Variants in TP63 observed in about 807,000 individuals in gnomAD.
The protein encoded by TP63 is tumor protein p63.
TP63 carries 17 observed loss-of-function variants against 82.8 expected under a neutral mutation model. The ratio of observed to expected loss-of-function variants is 0.21; its 90% CI spans 0.14 to 0.31. TP63 has a LOEUF of 0.31. Among genes scored for constraint, TP63 ranks in the 10% least tolerant of loss-of-function variants. The probability of loss-of-function intolerance (pLI) is 1.00; values close to 1 mark genes in which losing one functional copy is unlikely to be tolerated. For synonymous variants in TP63, 330 were observed against 321.7 expected (o/e 1.03, Z -0.28); for missense variants, 648 against 895.3 (o/e 0.72, Z 3.52).
intron 1 of TP63, among the ~76,000 whole-genome samples, chr3:189,701,528 T>C (rs867285405): frequency 7.5e-6 from 1 of 133,390 alleles, no homozygotes. Flanking sequence ...TATACATATA[T>C]ATATATATAT....
At chr3:189,654,461 A>C (rs529394092) in intron 1 of TP63, among the ~76,000 whole-genome samples, 1 of 152,262 alleles carries the variant, frequency 6.6e-6, no homozygotes, top group South Asian at 2.1e-4. Context: ...TCATGTTACT[A>C]TTTAGGAATT....
intron 3 of TP63, among the ~76,000 whole-genome samples, chr3:189,784,090 T>G (rs981273117): frequency 6.6e-6 from 1 of 152,060 alleles, no homozygotes; most frequent in South Asian, 2.1e-4. Context: ...TAGTTGACTT[T>G]CATTTTTTAT....
chr3:189,822,090 G>T (rs1489090822), intron 4 of TP63, among the ~76,000 whole-genome samples: 1 of 152,104 alleles, frequency 6.6e-6, no homozygotes, highest in East Asian at 1.9e-4. Flanking sequence ...TCTCTAGAGC[G>T]GCTTCCTCAC....
chr3:189,877,330 C>T (rs537537587), intron 10 of TP63, among the ~76,000 whole-genome samples: 4 of 152,302 alleles, frequency 2.6e-5, no homozygotes, highest in Non-Finnish European at 5.9e-5. Context: ...GGGACATCAA[C>T]GCTTAAGACA....
intron 1 of TP63, among the ~76,000 whole-genome samples, chr3:189,719,561 T>TA (rs1157095719): frequency 6.6e-6 from 1 of 152,300 alleles, no homozygotes; most frequent in Non-Finnish European, 1.5e-5. Context: ...AGTTTTTCTG[T>TA]AAAAAAATCA....
At chr3:189,869,228 C>A (rs1000955879) in intron 8 of TP63, 96 bp from the exon 9 acceptor site, 57 of 955,236 alleles carry the variant, frequency 6.0e-5, no homozygotes, top group Non-Finnish European at 8.6e-5. Flanking sequence ...TATATTAAAT[C>A]TGATTAACAT....
intron 3 of TP63, among the ~76,000 whole-genome samples, chr3:189,754,603 G>A (rs1189407809): frequency 2.6e-5 from 4 of 152,092 alleles, no homozygotes; most frequent in Non-Finnish European, 4.4e-5. Context: ...CCTGGATCAA[G>A]AAGGTTGAAA....
chr3:189,598,731 G>A, the TP63 span, among the ~76,000 whole-genome samples: 2 of 152,238 alleles, frequency 1.3e-5, no homozygotes, highest in African/African-American at 4.8e-5. Flanking sequence ...CAGAGTGTTG[G>A]CGCAGCCTGG....
chr3:189,751,690 G>T (rs1399236540), intron 3 of TP63, among the ~76,000 whole-genome samples: 2 of 152,072 alleles, frequency 1.3e-5, no homozygotes, highest in Non-Finnish European at 2.9e-5. Context: ...TTGTAAATTT[G>T]TTTGAGTTCT....
chr3:189,601,174 G>A, the TP63 span, among the ~76,000 whole-genome samples: 1 of 152,158 alleles, frequency 6.6e-6, no homozygotes, highest in Non-Finnish European at 1.5e-5. Flanking sequence ...TCTTGGACTT[G>A]AGCTGCAATC....
Position 189,864,222 on chromosome 3 carries a change from C to T in TP63, c.580-10C>T. On this transcript the variant is annotated splice_polypyrimidine_tract_variant and intron_variant, in intron 4 of 13. Transcript: ENST00000264731. The stretch of plus-strand genomic sequence containing the variant: ...TCCTTCCTTTCTCCACTGGCCCCAA[C>T]TCTAAGCAGTATTCCACTGAACTGA... 1.2e-6 allele frequency: 2 copies of T among 1,614,160 alleles called. No homozygotes were observed. Among genetic ancestry groups the T allele is most frequent in the Non-Finnish European group, 1.7e-6 (2 of 1,180,010 alleles).
chr3:189,807,299 T>A (rs1475812117), intron 3 of TP63, among the ~76,000 whole-genome samples: 1 of 152,262 alleles, frequency 6.6e-6, no homozygotes, highest in Non-Finnish European at 1.5e-5. Context: ...AAAGCCCCAG[T>A]CATTGTGTTA....
intron 1 of TP63, among the ~76,000 whole-genome samples, chr3:189,692,774 G>A (rs928916792): frequency 6.6e-6 from 1 of 152,130 alleles, no homozygotes; most frequent in African/African-American, 2.4e-5. Flanking sequence ...GCAATGACCT[G>A]TCAAAAGCTG....
intron 1 of TP63, among the ~76,000 whole-genome samples, chr3:189,637,270 C>T (rs781486564): frequency 6.6e-6 from 1 of 151,976 alleles, no homozygotes; most frequent in African/African-American, 2.4e-5. Context: ...TTCTCATCAG[C>T]GTTATATGGA....
chr3:189,667,807 A>T (rs1013592515), intron 1 of TP63, among the ~76,000 whole-genome samples: 4 of 152,118 alleles, frequency 2.6e-5, no homozygotes, highest in Admixed American at 2.6e-4. Flanking sequence ...AGAGACAGCA[A>T]ATGTTTTCTG....
At chr3:189,689,098 CTTTTTCTTTTTT>C (rs1319939644) in intron 1 of TP63, among the ~76,000 whole-genome samples, 934 of 85,068 alleles carry the variant, frequency 0.011, 84 homozygotes, top group African/African-American at 0.038. Context: ...TCAAATCTAC[CTTTTTCTTTTTT>C]TTTTTTTTTT....
chr3:189,866,843 G>A (rs2083948969), intron 6 of TP63, 46 bp downstream of exon 6: 1 of 1,454,400 alleles, frequency 6.9e-7, no homozygotes, highest in South Asian at 1.1e-5. Flanking sequence ...TCTATGGACT[G>A]AGTAGACTTG....
At chr3:189,640,071 C>A (rs1577158482) in intron 1 of TP63, among the ~76,000 whole-genome samples, 1 of 151,966 alleles carries the variant, frequency 6.6e-6, no homozygotes, top group East Asian at 1.9e-4. Flanking sequence ...TCTGTCTTTG[C>A]ACTTGAATTT....
chr3:189,828,958 G>A (rs1711874082), intron 4 of TP63, among the ~76,000 whole-genome samples: 1 of 152,180 alleles, frequency 6.6e-6, no homozygotes, highest in African/African-American at 2.4e-5. Flanking sequence ...TACAAAATCA[G>A]AAGCTAGGAA....
Sources: gnomAD v4.1 joint callset for allele counts (sites outside exome capture counted in the v4.1 genomes callset) on GRCh38, gnomAD v4.1.1 for gene constraint, MANE v1.5 for transcripts, NCBI Gene and HGNC (gene_info 2026-07-23, HGNC 2026-07-21) for gene names.